Variants in ARID1B observed in about 807,000 individuals in gnomAD.
ARID1B encodes the protein AT-rich interactive domain-containing protein 1B.
A neutral mutation model predicts 212.3 loss-of-function variants in ARID1B; 30 were observed. That is an observed-to-expected ratio of 0.14 (90% CI 0.11 to 0.19). The LOEUF (loss-of-function observed/expected upper bound fraction) is 0.19. Among genes scored for constraint, ARID1B ranks in the 10% least tolerant of loss-of-function variants. The pLI, the probability that ARID1B is intolerant of heterozygous loss-of-function variation, is 1.00. For synonymous variants in ARID1B, 1,402 were observed against 1,301.7 expected, an observed-to-expected ratio of 1.08 and a Z score of -1.66; for missense variants, 2,891 against 3,204.0, an observed-to-expected ratio of 0.90 and a Z score of 2.36.
chr6:156,778,032 T>G lies in ARID1B; in HGVS notation c.352T>G (p.Ser118Ala). Residue 118 changes from serine (S) to alanine (A), a missense_variant, in exon 1 of 20, where the codon TCC becomes GCC. Physicochemically the swap from Ser to Ala is moderately conservative, Grantham distance 99 (BLOSUM62 1). Transcript: ENST00000636930. Reference sequence around the variant, plus strand: ...GGAGGGTGGAAGCGCCGCCGCGCTGTCCTCCTCCTCCTCCTCCTCCGCGGC... The same window carrying G: ...GGAGGGTGGAAGCGCCGCCGCGCTGGCCTCCTCCTCCTCCTCCTCCGCGGC... Reference protein sequence around the residue: ...LKEGGSAAALSSSSSSSAAAA... With the variant: ...LKEGGSAAALASSSSSSAAAA... 1 of 1,427,782 alleles carries G rather than the reference T, an allele frequency of 7.0e-7. No individual in the cohort carries two copies. Among genetic ancestry groups the G allele is most frequent in the South Asian group, 1.3e-5 (1 of 75,622 alleles). The allele number at this position is 1,427,782 out of a possible 1,614,324, so 88.4% of individuals were successfully genotyped here. A position where few individuals can be genotyped will look rare whatever the true frequency, so the allele number is the denominator to read the frequency against.
rs955268450 is a variant in ARID1B at position 156,938,387 on chromosome 6, G to C, written c.2247+2811G>C. The C allele has an allele frequency of 2.0e-5, 3 of 152,150 alleles. No homozygotes were observed. The South Asian group carries it at 6.2e-4, about 31-fold the overall frequency. 9.4% of individuals were successfully genotyped at this position (152,150 alleles called of 1,614,324 possible). ...ATTTGTTATCACATCTGAATTTGCTGTTGGATCCTTTGTAGATTTACTGTT... is the reference window on the plus strand; with the variant it reads ...ATTTGTTATCACATCTGAATTTGCTCTTGGATCCTTTGTAGATTTACTGTT... On this transcript the variant is annotated intron_variant, in intron 4 of 19. Transcript: ENST00000636930.
At position 156,777,639 on chromosome 6, in the gene ARID1B, C is replaced by A; in HGVS notation, c.-42C>A. 6.7e-6 allele frequency: 1 copy of A among 149,708 alleles called. No individual in the cohort carries two copies. Among genetic ancestry groups the A allele is most frequent in the South Asian group, 2.0e-4 (1 of 4,888 alleles). The allele number at this position is 149,708 out of a possible 1,614,324, so 9.3% of individuals were successfully genotyped here. A position where few individuals can be genotyped will look rare whatever the true frequency, so the allele number is the denominator to read the frequency against. ...CGGCCTGAAAAGTGGGGGTTATTGT[C>A]TCCCCCCGCCCCCCGCCCGGCCTCG... On this transcript the variant is annotated 5_prime_UTR_variant, in exon 1 of 20. Transcript: ENST00000636930.
chr6:156,826,899 G>A (rs549494239), intron 1 of ARID1B, among the ~76,000 whole-genome samples: 1 of 152,196 alleles, frequency 6.6e-6, no homozygotes, highest in East Asian at 1.9e-4. Context: ...GCTTGTCTGT[G>A]GGTTCATTTT....
chr6:156,817,645 C>G (rs114557019), intron 1 of ARID1B, among the ~76,000 whole-genome samples: 3 of 134,690 alleles, frequency 2.2e-5, no homozygotes, highest in South Asian at 2.3e-4. Context: ...AAAAAAAAAC[C>G]ACACACACAA....
chr6:156,856,700 T>TCTCTCTCA (rs1168465535), intron 2 of ARID1B, among the ~76,000 whole-genome samples: 29 of 114,730 alleles, frequency 2.5e-4, no homozygotes, highest in African/African-American at 8.9e-4. Context: ...TCTCTCTCTC[T>TCTCTCTCA]CACACACACA....
chr6:156,780,567 C>CT (rs1157344408), intron 1 of ARID1B: 2 of 152,214 alleles, frequency 1.3e-5, no homozygotes, highest in African/African-American at 4.8e-5. Flanking sequence ...TGGCTCCCCT[C>CT]TCACCATTGG....
intron 16 of ARID1B, among the ~76,000 whole-genome samples, chr6:157,198,182 G>A (rs139220513): frequency 1.2e-3 from 187 of 152,182 alleles, no homozygotes; most frequent in African/African-American, 4.4e-3. Context: ...GATGTAATAG[G>A]TGTACATTTG....
chr6:157,103,074 G>C (rs1786188184), intron 5 of ARID1B, among the ~76,000 whole-genome samples: 1 of 152,162 alleles, frequency 6.6e-6, no homozygotes. Context: ...TGAGTAGTTG[G>C]AACAGAAAAC....
At chr6:156,834,223 C>G (rs563893697) in intron 2 of ARID1B, among the ~76,000 whole-genome samples, 1 of 139,914 alleles carries the variant, frequency 7.1e-6, no homozygotes, top group Admixed American at 7.4e-5. Context: ...ATCTTTGAAT[C>G]CTAAATATGA....
At chr6:156,934,281 G>C (rs911544345) in intron 3 of ARID1B, among the ~76,000 whole-genome samples, 1 of 150,876 alleles carries the variant, frequency 6.6e-6, no homozygotes, top group Non-Finnish European at 1.5e-5. Context: ...AGGGGGAAAC[G>C]ATGGTAGAAT....
intron 8 of ARID1B, among the ~76,000 whole-genome samples, chr6:157,154,587 T>G (rs796227282): frequency 3.2e-4 from 47 of 145,496 alleles, no homozygotes; most frequent in Admixed American, 9.5e-4. Context: ...TTTGTTTTTT[T>G]TTTTTTTTTT....
chr6:156,849,644 CCTT>C (rs1199837597), intron 2 of ARID1B, among the ~76,000 whole-genome samples: 2 of 152,120 alleles, frequency 1.3e-5, no homozygotes, highest in Non-Finnish European at 2.9e-5. Flanking sequence ...TTCATTTTCT[CCTT>C]CTTTTCTTGT....
At chr6:156,813,108 ATTTT>A (rs71027315) in intron 1 of ARID1B, among the ~76,000 whole-genome samples, 1 of 105,564 alleles carries the variant, frequency 9.5e-6, no homozygotes, top group African/African-American at 3.7e-5. Context: ...ATATATATAT[ATTTT>A]TTTTTTTTTT....
intron 2 of ARID1B, among the ~76,000 whole-genome samples, chr6:156,853,969 G>A (rs1458426554): frequency 1.3e-5 from 2 of 152,104 alleles, no homozygotes; most frequent in Non-Finnish European, 2.9e-5. Context: ...CTGGGCTCCA[G>A]TGATCCCCCA....
chr6:156,987,696 G>C (rs1778018292), intron 4 of ARID1B, among the ~76,000 whole-genome samples: 1 of 152,104 alleles, frequency 6.6e-6, no homozygotes, highest in South Asian at 2.1e-4. Flanking sequence ...TCCTTAGCTT[G>C]TGGAATCTTT....
chr6:156,804,277 A>C (rs1780994816), intron 1 of ARID1B, among the ~76,000 whole-genome samples: 1 of 151,646 alleles, frequency 6.6e-6, no homozygotes. Context: ...CGGAGGTTGC[A>C]GTGAACTGAG....
At chr6:157,160,117 A>T (rs1308804101) in intron 8 of ARID1B, among the ~76,000 whole-genome samples, 1 of 152,218 alleles carries the variant, frequency 6.6e-6, no homozygotes, top group Non-Finnish European at 1.5e-5. Context: ...AACAGGTCAC[A>T]TTCGCCAGTG....
intron 1 of ARID1B, among the ~76,000 whole-genome samples, chr6:156,817,850 A>G (rs1204173497): frequency 6.6e-6 from 1 of 152,034 alleles, no homozygotes; most frequent in Non-Finnish European, 1.5e-5. Context: ...CATTTTTGAG[A>G]GTAGGTTGTA....
At chr6:156,877,824 C>G (rs1014139368) in intron 2 of ARID1B, among the ~76,000 whole-genome samples, 1 of 152,010 alleles carries the variant, frequency 6.6e-6, no homozygotes, top group Non-Finnish European at 1.5e-5. Context: ...CTTCTCGTGC[C>G]CCAGCCTCCT....
Sources: allele counts gnomAD v4.1 joint callset (sites outside exome capture counted in the v4.1 genomes callset), GRCh38; gene constraint gnomAD v4.1.1; transcripts MANE v1.5; gene names NCBI Gene and HGNC (gene_info 2026-07-23, HGNC 2026-07-21).